GTSF1: variants seen among roughly 807,000 people sequenced by gnomAD.
GTSF1 encodes gametocyte specific factor 1.
GTSF1 carries 11 observed loss-of-function variants against 28.9 expected under a neutral mutation model. That is an observed-to-expected ratio of 0.38 (90% CI 0.24 to 0.63). GTSF1 has a LOEUF of 0.63. Among genes scored for constraint, GTSF1 ranks in the 30% least tolerant of loss-of-function variants. The probability of loss-of-function intolerance (pLI) is 0.56; values close to 1 mark genes in which losing one functional copy is unlikely to be tolerated. For synonymous variants in GTSF1, 69 were observed against 65.6 expected, an observed-to-expected ratio of 1.05 and a Z score of -0.25; for missense variants, 146 against 201.0, an observed-to-expected ratio of 0.73 and a Z score of 1.66.
chr12:54,470,327 G>T (rs190876323), intron 2 of GTSF1, among the ~76,000 whole-genome samples: 1 of 152,266 alleles, frequency 6.6e-6, no homozygotes, highest in Non-Finnish European at 1.5e-5. Flanking sequence ...CTGCAGGTGG[G>T]ACCCAGCAAT....
intron 5 of GTSF1, 31 bp from the exon 6 acceptor site, chr12:54,462,203 T>C (rs1313324809): frequency 1.3e-6 from 2 of 1,498,056 alleles, no homozygotes; most frequent in Non-Finnish European, 1.9e-6. Flanking sequence ...TAGTTTGTGG[T>C]ACTACTAGAT....
intron 5 of GTSF1, among the ~76,000 whole-genome samples, 156 bp downstream of exon 5, chr12:54,462,486 C>T (rs1027321955): frequency 6.6e-6 from 1 of 152,206 alleles, no homozygotes. Context: ...CGTGTCTGCA[C>T]AGCGATACAA....
chr12:54,463,237 G>T lies in GTSF1; in HGVS notation c.178C>A (p.Pro60Thr), dbSNP rs1418021824. Residue 60 changes from proline to threonine, a missense_variant, in exon 4 of 9, where the codon CCT becomes ACT. Physicochemically the swap from Pro to Thr is conservative, Grantham distance 38. Transcript: ENST00000305879. The stretch of plus-strand genomic sequence containing the variant: ...ATATGATGACTAATTTCAGCTCGAG[G>T]AACCTGGTGGCGAGCATTGAAGGGA... ...TCPFNARHQV[P>T]RAEISHHISS... 1 of 1,613,956 alleles carries T rather than the reference G, an allele frequency of 6.2e-7. No homozygotes were observed. The highest frequency in any genetic ancestry group is 2.2e-5 in the East Asian group (1 of 44,880).
chr12:54,468,253 G>A (rs991903805), intron 2 of GTSF1, among the ~76,000 whole-genome samples: 21 of 151,592 alleles, frequency 1.4e-4, no homozygotes, highest in South Asian at 1.0e-3. Flanking sequence ...CCTCCACCCC[G>A]CAAGTAGCTG....
At chr12:54,456,871 G>C (rs1258898613) in intron 8 of GTSF1, among the ~76,000 whole-genome samples, 1 of 152,116 alleles carries the variant, frequency 6.6e-6, no homozygotes, top group Admixed American at 6.6e-5. Flanking sequence ...GAACACCTGA[G>C]GTCAGGAGTT....
intron 7 of GTSF1, chr12:54,459,722 CTT>C (rs760438714): frequency 4.3e-3 from 573 of 133,358 alleles, no homozygotes; most frequent in South Asian, 0.015. Flanking sequence ...GATATTATGC[CTT>C]TTTTTTTTTT....
intron 4 of GTSF1, 118 bp downstream of exon 4, chr12:54,463,053 G>T: frequency 1.0e-6 from 1 of 980,116 alleles, no homozygotes; most frequent in Non-Finnish European, 1.5e-6. Flanking sequence ...TCTCAAAGGT[G>T]GAAAAGTATT....
Position 54,462,713 on chromosome 12 carries a change from C to T in GTSF1, c.257G>A (p.Arg86Lys), listed in dbSNP as rs745331842. 388 of 1,613,768 alleles carry T rather than the reference C, an allele frequency of 2.4e-4. 6 individuals carry two copies. In the South Asian group the frequency reaches 4.0e-3, roughly 17 times the overall value. ...AGCCAGAGTCTCTTGTCTAAGGCTC[C>T]TGGTTTGGTTGACTGCAAGACAATA... ...CIEQDVVNQTRSLRQETLAES... is the reference protein window; with the variant it reads ...CIEQDVVNQTKSLRQETLAES... Residue 86 changes from arginine (R) to lysine (K), a missense_variant, in exon 5 of 9, where the codon AGG becomes AAG. Arg to Lys is a conservative substitution (Grantham distance 26, BLOSUM62 2). Coordinates refer to ENST00000305879, the MANE Select transcript of GTSF1 (RefSeq NM_144594.3).
intron 8 of GTSF1, among the ~76,000 whole-genome samples, chr12:54,457,958 A>T (rs932387573): frequency 6.6e-6 from 1 of 152,266 alleles, no homozygotes; most frequent in Non-Finnish European, 1.5e-5. Context: ...GCTTCTTACC[A>T]GAAGAAACAT....
chr12:54,457,774 C>T (rs1291825074), intron 8 of GTSF1, among the ~76,000 whole-genome samples: 1 of 150,430 alleles, frequency 6.6e-6, no homozygotes, highest in East Asian at 1.9e-4. Flanking sequence ...CCTGATGTAC[C>T]CCAGTGCTGG....
At chr12:54,458,471 A>G (rs1472354959) in intron 8 of GTSF1, among the ~76,000 whole-genome samples, 1 of 152,182 alleles carries the variant, frequency 6.6e-6, no homozygotes, top group Non-Finnish European at 1.5e-5. Context: ...CTCCCAGTTC[A>G]GGCGATTCTC....
chr12:54,458,390 T>A (rs1272530771), intron 8 of GTSF1, among the ~76,000 whole-genome samples: 1 of 152,240 alleles, frequency 6.6e-6, no homozygotes. Flanking sequence ...ATTTTATTTT[T>A]GAGACATAAT....
chr12:54,468,369 C>A (rs1324632579), intron 2 of GTSF1, among the ~76,000 whole-genome samples: 1 of 152,180 alleles, frequency 6.6e-6, no homozygotes, highest in African/African-American at 2.4e-5. Context: ...GATCTGCCCA[C>A]CTCAGCCTCC....
chr12:54,471,883 A>G (rs1303380116), intron 1 of GTSF1: 1 of 151,150 alleles, frequency 6.6e-6, no homozygotes. Context: ...CCCCCCAAAA[A>G]CAAACAAACA....
intron 7 of GTSF1, chr12:54,459,566 G>T: frequency 1.5e-6 from 1 of 672,302 alleles, no homozygotes; most frequent in Non-Finnish European, 2.2e-6. Flanking sequence ...TTTAGTACTT[G>T]TTTACCCAGC....
intron 2 of GTSF1, among the ~76,000 whole-genome samples, chr12:54,465,457 G>A (rs1426026044): frequency 2.0e-5 from 3 of 152,054 alleles, no homozygotes; most frequent in Non-Finnish European, 4.4e-5. Flanking sequence ...TAAATAAAAT[G>A]TCATCCTCTT....
intron 2 of GTSF1, chr12:54,468,764 G>A (rs1303588158): frequency 6.6e-6 from 1 of 152,188 alleles, no homozygotes; most frequent in Non-Finnish European, 1.5e-5. Flanking sequence ...GATTAAGCTG[G>A]AAATCCAGGT....
At chr12:54,464,495 C>A (rs1247818299) in intron 3 of GTSF1, among the ~76,000 whole-genome samples, 1 of 152,068 alleles carries the variant, frequency 6.6e-6, no homozygotes, top group Admixed American at 6.6e-5. Context: ...AGAATTCTAA[C>A]AACATTGTCA....
intron 2 of GTSF1, 90 bp from the exon 3 acceptor site, chr12:54,465,257 C>T (rs1290070837): frequency 1.3e-6 from 1 of 792,562 alleles, no homozygotes; most frequent in African/African-American, 1.7e-5. Flanking sequence ...TTTCAAGAGA[C>T]TCTGTAATAA....
Sources: allele counts gnomAD v4.1 joint callset (sites outside exome capture counted in the v4.1 genomes callset), GRCh38; gene constraint gnomAD v4.1.1; transcripts MANE v1.5; gene names NCBI Gene and HGNC (gene_info 2026-07-23, HGNC 2026-07-21).